The following SLC4A8 variants were observed in gnomAD, a reference collection of about 807,000 sequenced individuals.
SLC4A8 encodes the protein electroneutral sodium bicarbonate exchanger 1.
Under a neutral mutation model 125.0 loss-of-function variants are expected in SLC4A8, and 40 were observed. The ratio of observed to expected loss-of-function variants is 0.32; its 90% CI spans 0.25 to 0.42. The LOEUF (loss-of-function observed/expected upper bound fraction) is 0.42, where lower values mean the gene tolerates loss of function less well. SLC4A8 is among the 10% of genes least tolerant of loss of function. The pLI, the probability that SLC4A8 is intolerant of heterozygous loss-of-function variation, is 1.00. For missense variants in SLC4A8, 863 were observed against 1,355.1 expected (o/e 0.64, Z 5.70); for synonymous variants, 456 against 476.0 (o/e 0.96, Z 0.55).
intron 16 of SLC4A8, among the ~76,000 whole-genome samples, chr12:51,477,396 T>C (rs773403866): frequency 2.6e-5 from 4 of 152,128 alleles, no homozygotes; most frequent in Non-Finnish European, 4.4e-5. Context: ...TCAGGAACAG[T>C]TTAAAATATT....
chr12:51,476,092 G>A (rs1001853860), intron 16 of SLC4A8, among the ~76,000 whole-genome samples: 4 of 152,164 alleles, frequency 2.6e-5, no homozygotes, highest in African/African-American at 9.7e-5. Context: ...TCAAACATAC[G>A]AATCAGTGAG....
rs183450087 is a variant in SLC4A8 at position 51,455,682 on chromosome 12, T to C, written c.575-1669T>C. 3.1e-4 allele frequency among the ~76,000 whole-genome samples: 47 copies of C among 152,304 alleles called. 2 individuals are homozygous for C. In the East Asian group the frequency reaches 7.9e-3, roughly 26 times the overall value. ...AGGTTAAGAAATATTTCTCCAAATCTTTCTCTATTTCAAGTATCCAAGTCA... is the reference window on the plus strand; with the variant it reads ...AGGTTAAGAAATATTTCTCCAAATCCTTCTCTATTTCAAGTATCCAAGTCA... On this transcript the variant is annotated intron_variant, in intron 5 of 24. Coordinates refer to ENST00000453097, the MANE Select transcript of SLC4A8 (RefSeq NM_001039960.3).
intron 1 of SLC4A8, among the ~76,000 whole-genome samples, chr12:51,395,696 C>T (rs915973113): frequency 1.5e-4 from 23 of 152,136 alleles, no homozygotes; most frequent in Non-Finnish European, 2.2e-4. Flanking sequence ...AGTAGGGAGG[C>T]CAGCTGGTCA....
intron 5 of SLC4A8, 73 bp downstream of exon 5, chr12:51,453,772 G>T: frequency 7.1e-7 from 1 of 1,408,042 alleles, no homozygotes; most frequent in Non-Finnish European, 9.8e-7. Context: ...GGAGTGTGGC[G>T]TGACAGAAAG....
chr12:51,409,486 C>G (rs929325848), intron 1 of SLC4A8, among the ~76,000 whole-genome samples: 1 of 151,674 alleles, frequency 6.6e-6, no homozygotes, highest in African/African-American at 2.4e-5. Flanking sequence ...CAGTTGTTTT[C>G]AGTTGATTCT....
At chr12:51,415,382 G>T (rs1372504300) in intron 1 of SLC4A8, among the ~76,000 whole-genome samples, 1 of 152,084 alleles carries the variant, frequency 6.6e-6, no homozygotes, top group African/African-American at 2.4e-5. Flanking sequence ...GTTTTTCTTT[G>T]TTGGGAGATA....
chr12:51,406,801 A>AG (rs1318344381), intron 1 of SLC4A8, among the ~76,000 whole-genome samples: 1 of 152,174 alleles, frequency 6.6e-6, no homozygotes, highest in African/African-American at 2.4e-5. Flanking sequence ...ACTAGTGTTG[A>AG]GGGGAACTTG....
intron 3 of SLC4A8, among the ~76,000 whole-genome samples, 186 bp downstream of exon 3, chr12:51,451,208 G>A (rs1427185310): frequency 6.6e-6 from 1 of 152,080 alleles, no homozygotes; most frequent in Non-Finnish European, 1.5e-5. Context: ...TCACAGTTCC[G>A]GGCGGCTGGG....
chr12:51,392,342 G>A (rs2137890855), intron 1 of SLC4A8, among the ~76,000 whole-genome samples: 1 of 152,168 alleles, frequency 6.6e-6, no homozygotes, highest in Admixed American at 6.5e-5. Flanking sequence ...GGGAGGCCGA[G>A]GCGGGCGGAT....
chr12:51,441,385 T>C (rs1428485932), intron 2 of SLC4A8, among the ~76,000 whole-genome samples: 2 of 152,128 alleles, frequency 1.3e-5, no homozygotes, highest in Non-Finnish European at 2.9e-5. Context: ...GATGACCCAC[T>C]CTGTCCAGTT....
chr12:51,480,593 T>C, intron 16 of SLC4A8: 3 of 984,388 alleles, frequency 3.0e-6, no homozygotes, highest in Non-Finnish European at 3.6e-6. Flanking sequence ...CCAATGAATG[T>C]ATCTTTGGAA....
At chr12:51,447,986 TGGGACTACA>T (rs1555191050) in intron 2 of SLC4A8, among the ~76,000 whole-genome samples, 1 of 152,216 alleles carries the variant, frequency 6.6e-6, no homozygotes, top group Non-Finnish European at 1.5e-5. Context: ...CCCAAAGTGC[TGGGACTACA>T]GGCGTGAGCC....
chr12:51,454,463 G>T (rs943097131), intron 5 of SLC4A8, among the ~76,000 whole-genome samples: 4 of 138,544 alleles, frequency 2.9e-5, no homozygotes, highest in African/African-American at 8.3e-5. Flanking sequence ...AGTATTTATT[G>T]ATCATCTGTG....
At chr12:51,476,650 C>CCAT (rs1950862708) in intron 16 of SLC4A8, among the ~76,000 whole-genome samples, 1 of 152,048 alleles carries the variant, frequency 6.6e-6, no homozygotes, top group African/African-American at 2.4e-5. Flanking sequence ...GAGAGATCTA[C>CCAT]CATCAGTACA....
At chr12:51,452,094 G>C (rs757673394) in intron 3 of SLC4A8, 30 bp from the exon 4 acceptor site, 2 of 1,612,202 alleles carry the variant, frequency 1.2e-6, no homozygotes, top group African/African-American at 2.7e-5. Flanking sequence ...TGAGGCTAGA[G>C]CAGACCTTTC....
At chr12:51,460,152 AT>A in intron 8 of SLC4A8, 44 bp downstream of exon 8, 1 of 1,474,972 alleles carries the variant, frequency 6.8e-7, no homozygotes, top group Non-Finnish European at 9.5e-7. Flanking sequence ...CAAAATTCAA[AT>A]TTATGTAGTG....
At chr12:51,492,990 A>G (rs1951357383) in intron 19 of SLC4A8, among the ~76,000 whole-genome samples, 1 of 152,132 alleles carries the variant, frequency 6.6e-6, no homozygotes, top group South Asian at 2.1e-4. Flanking sequence ...TAATTCCACA[A>G]ATTAGATTTG....
intron 1 of SLC4A8, chr12:51,403,434 C>T (rs1036642949): frequency 1.4e-5 from 5 of 351,466 alleles, no homozygotes; most frequent in Non-Finnish European, 2.3e-5. Flanking sequence ...GCAAGAATGG[C>T]CGCTTGGATC....
At chr12:51,450,285 G>A (rs1009082259) in intron 2 of SLC4A8, among the ~76,000 whole-genome samples, 3 of 152,138 alleles carry the variant, frequency 2.0e-5, no homozygotes, top group African/African-American at 7.2e-5. Context: ...CCAGGCATGT[G>A]TTAAGCATTT....
Sources: allele counts gnomAD v4.1 joint callset (sites outside exome capture counted in the v4.1 genomes callset), GRCh38; gene constraint gnomAD v4.1.1; transcripts MANE v1.5; gene names NCBI Gene and HGNC (gene_info 2026-07-23, HGNC 2026-07-21).